IGF1R: variants seen among roughly 807,000 people sequenced by gnomAD.
IGF1R encodes insulin-like growth factor 1 receptor.
Under a neutral mutation model 144.6 loss-of-function variants are expected in IGF1R, and 44 were observed. The observed-to-expected ratio is 0.30, with a 90% CI of 0.24 to 0.39. IGF1R has a LOEUF of 0.39. Among genes scored for constraint, IGF1R ranks in the 10% least tolerant of loss-of-function variants. IGF1R has a pLI of 1.00. For synonymous variants in IGF1R, 795 were observed against 722.8 expected (o/e 1.10, Z -1.60); for missense variants, 1,355 against 1,833.7 (o/e 0.74, Z 4.77).
chr15:98,923,722 T>C, intron 11 of IGF1R, 154 bp from the exon 12 acceptor site: 1 of 683,002 alleles, frequency 1.5e-6, no homozygotes, highest in Non-Finnish European at 2.7e-6. Context: ...TCCACTGTCC[T>C]GCCCGCGTGG....
At position 98,761,973 on chromosome 15, in the gene IGF1R, C is replaced by T. The variant is rs557828797; in HGVS notation, c.640+53866C>T. Among the ~76,000 whole-genome samples the T allele has an allele frequency of 5.9e-5, 9 of 152,340 alleles. No individual in the cohort carries two copies. In the South Asian group the frequency reaches 1.9e-3, roughly 32 times the overall value. ...AGACAAATCATACATCTTAACTACACTGCCCTTGATTGCTCTTTACCTGTT... is the reference window on the plus strand; with the variant it reads ...AGACAAATCATACATCTTAACTACATTGCCCTTGATTGCTCTTTACCTGTT... On this transcript the variant is annotated intron_variant, in intron 2 of 20. Coordinates refer to ENST00000650285, the MANE Select transcript of IGF1R (RefSeq NM_000875.5).
chr15:98,945,968 T>C (rs1003198850), intron 19 of IGF1R, among the ~76,000 whole-genome samples: 2 of 151,756 alleles, frequency 1.3e-5, no homozygotes, highest in African/African-American at 2.4e-5. Flanking sequence ...CTGTGGGTGA[T>C]GGTAAGGCTC....
chr15:98,960,312 A>C lies in IGF1R; in HGVS notation c.*2870A>C, dbSNP rs1489130672. On this transcript the variant is annotated 3_prime_UTR_variant, in exon 21 of 21. Coordinates refer to ENST00000650285, the MANE Select transcript of IGF1R (RefSeq NM_000875.5). ...TGTTGCTTTTTTTGTTTTGTTTTCTATCTTGGTTTCCACCAAGGTGTTAGA... is the reference window on the plus strand; with the variant it reads ...TGTTGCTTTTTTTGTTTTGTTTTCTCTCTTGGTTTCCACCAAGGTGTTAGA... 2.1e-5 allele frequency: 5 copies of C among 232,680 alleles called. No homozygotes were observed. Among genetic ancestry groups the C allele is most frequent in the Admixed American group, 1.1e-4 (2 of 17,748 alleles). The allele number at this position is 232,680 out of a possible 1,614,324, so 14.4% of individuals were successfully genotyped here.
intron 2 of IGF1R, among the ~76,000 whole-genome samples, chr15:98,838,669 C>G (rs904741574): frequency 6.6e-6 from 1 of 152,168 alleles, no homozygotes; most frequent in Admixed American, 6.5e-5. Flanking sequence ...CCCCACTCAT[C>G]TTGATTTATT....
At chr15:98,710,917 G>T (rs528181441) in intron 2 of IGF1R, among the ~76,000 whole-genome samples, 4 of 152,070 alleles carry the variant, frequency 2.6e-5, no homozygotes, top group Admixed American at 6.5e-5. Context: ...TGATCCGCCC[G>T]CCTCAGCCTC....
At chr15:98,680,665 A>C (rs893727630) in intron 1 of IGF1R, among the ~76,000 whole-genome samples, 3 of 152,098 alleles carry the variant, frequency 2.0e-5, no homozygotes, top group Non-Finnish European at 2.9e-5. Context: ...CCTGGGCTCA[A>C]CTGATTCTGT....
chr15:98,923,826 C>T (rs775515500), intron 11 of IGF1R, 50 bp from the exon 12 acceptor site: 4 of 1,554,722 alleles, frequency 2.6e-6, no homozygotes, highest in Non-Finnish European at 3.6e-6. Flanking sequence ...GTGTTGGCCT[C>T]CCTCCCTGGG....
chr15:98,948,444 G>C (rs1249329345), intron 19 of IGF1R, 130 bp from the exon 20 acceptor site: 1 of 972,390 alleles, frequency 1.0e-6, no homozygotes, highest in African/African-American at 1.6e-5. Flanking sequence ...CTGGCTCGCT[G>C]TCTGACAAGC....
chr15:98,732,635 G>T (rs1410566047), intron 2 of IGF1R, among the ~76,000 whole-genome samples: 1 of 152,200 alleles, frequency 6.6e-6, no homozygotes, highest in African/African-American at 2.4e-5. Context: ...GTTGGGGCAG[G>T]TAGAGGAAAA....
chr15:98,821,141 A>G (rs2684761), intron 2 of IGF1R, among the ~76,000 whole-genome samples: 72,070 of 151,998 alleles, frequency 0.47, 17,788 homozygotes, highest in East Asian at 0.63. Flanking sequence ...AAAAACAAAA[A>G]TCAAGGAGAA....
intron 19 of IGF1R, among the ~76,000 whole-genome samples, chr15:98,946,662 C>T: frequency 6.6e-6 from 1 of 152,120 alleles, no homozygotes; most frequent in East Asian, 1.9e-4. Flanking sequence ...TGCAGGGAAG[C>T]CGGGGGAAGA....
intron 2 of IGF1R, among the ~76,000 whole-genome samples, chr15:98,737,611 C>T (rs578036029): frequency 2.6e-5 from 4 of 152,258 alleles, no homozygotes; most frequent in Middle Eastern, 3.4e-3. Flanking sequence ...AAAAAGACTT[C>T]GAAAAGTTAC....
At chr15:98,764,641 T>G (rs2141359342) in intron 2 of IGF1R, among the ~76,000 whole-genome samples, 1 of 152,370 alleles carries the variant, frequency 6.6e-6, no homozygotes, top group East Asian at 1.9e-4. Context: ...CAATTTGTAG[T>G]TTTTTTCTAA....
intron 1 of IGF1R, among the ~76,000 whole-genome samples, chr15:98,703,250 A>G (rs925055753): frequency 3.3e-5 from 5 of 152,138 alleles, no homozygotes; most frequent in Non-Finnish European, 5.9e-5. Flanking sequence ...GAAGGGAGAA[A>G]GGGTATTTTG....
chr15:98,932,035 C>G (rs1287372454), intron 15 of IGF1R, among the ~76,000 whole-genome samples: 1 of 152,328 alleles, frequency 6.6e-6, no homozygotes, highest in Admixed American at 6.5e-5. Flanking sequence ...AAATGCGGCA[C>G]TAGAGGTTGG....
At chr15:98,855,564 G>A (rs1432508456) in intron 2 of IGF1R, among the ~76,000 whole-genome samples, 2 of 152,154 alleles carry the variant, frequency 1.3e-5, no homozygotes, top group Non-Finnish European at 2.9e-5. Flanking sequence ...TCCCCCACAT[G>A]GATTGATGTC....
rs917757973 is a variant in IGF1R, at chr15:98,961,076, T to C, written c.*3634T>C. On this transcript the variant is annotated 3_prime_UTR_variant, in exon 21 of 21. Transcript: ENST00000650285. The stretch of plus-strand genomic sequence containing the variant: ...GGCTCCTCGGCAATTCCAGCCTAAG[T>C]GAAGGCGCTCAGGAGCCTCCTGCTG... 8.6e-6 allele frequency: 2 copies of C among 233,596 alleles called. No homozygotes were observed. The highest frequency in any genetic ancestry group is 4.4e-5 in the African/African-American group (2 of 45,450). The allele number at this position is 233,596 out of a possible 1,614,324, so 14.5% of individuals were successfully genotyped here. A position where few individuals can be genotyped will look rare whatever the true frequency, so the allele number is the denominator to read the frequency against.
At position 98,784,875 on chromosome 15, in the gene IGF1R, A is replaced by C. The variant is rs369351590; in HGVS notation, c.640+76768A>C. On this transcript the variant is annotated intron_variant, in intron 2 of 20. Coordinates refer to ENST00000650285, the MANE Select transcript of IGF1R (RefSeq NM_000875.5). The stretch of plus-strand genomic sequence containing the variant: ...TGCAAGCGCTGCCATTTTATTGCAG[A>C]GACTTGAGCATCCAAGGATTTTGTA... Among the ~76,000 whole-genome samples, 3 of 152,320 alleles carry C rather than the reference A, an allele frequency of 2.0e-5. No individual in the cohort carries two copies. In the East Asian group the frequency reaches 5.8e-4, roughly 29 times the overall value.
chr15:98,709,886 TG>T (rs1382137782), intron 2 of IGF1R, among the ~76,000 whole-genome samples: 1 of 152,192 alleles, frequency 6.6e-6, no homozygotes, highest in African/African-American at 2.4e-5. Context: ...GTAGTTACTT[TG>T]GTCTTGCCAT....
Sources: gnomAD v4.1 joint callset for allele counts (sites outside exome capture counted in the v4.1 genomes callset) on GRCh38, gnomAD v4.1.1 for gene constraint, MANE v1.5 for transcripts, NCBI Gene and HGNC (gene_info 2026-07-23, HGNC 2026-07-21) for gene names.